The following FSTL5 variants were observed in gnomAD, a reference collection of about 807,000 sequenced individuals.
FSTL5 encodes the protein follistatin like 5.
In FSTL5, 62 loss-of-function variants were observed where a neutral mutation model predicts 89.1. The observed-to-expected ratio is 0.70, with a 90% confidence interval of 0.57 to 0.86. FSTL5 has a LOEUF of 0.86. Ranked by LOEUF, FSTL5 falls within the 40% of genes least tolerant of loss-of-function variation. The pLI, the probability that FSTL5 is intolerant of heterozygous loss-of-function variation, is 0.00. For missense variants in FSTL5, 1,057 were observed against 1,001.6 expected (o/e 1.06, Z -0.75); for synonymous variants, 383 against 346.2 (o/e 1.11, Z -1.18).
intron 3 of FSTL5, among the ~76,000 whole-genome samples, chr4:161,973,551 A>G (rs966085842): frequency 1.3e-5 from 2 of 152,228 alleles, no homozygotes; most frequent in Admixed American, 6.5e-5. Flanking sequence ...ATAATGCCAT[A>G]AGATTATAAG....
chr4:161,792,403 GC>G (rs1729508393), intron 4 of FSTL5, among the ~76,000 whole-genome samples: 1 of 152,136 alleles, frequency 6.6e-6, no homozygotes, highest in Non-Finnish European at 1.5e-5. Context: ...CAAAAGGCAG[GC>G]TTCTGGGTGG....
chr4:162,063,191 T>G (rs554435366), intron 2 of FSTL5, among the ~76,000 whole-genome samples: 1 of 151,982 alleles, frequency 6.6e-6, no homozygotes, highest in East Asian at 1.9e-4. Flanking sequence ...CTCATTTCAT[T>G]AGATTTTCCC....
At chr4:161,849,783 C>A (rs768877260) in intron 4 of FSTL5, among the ~76,000 whole-genome samples, 3 of 152,128 alleles carry the variant, frequency 2.0e-5, no homozygotes, top group Non-Finnish European at 2.9e-5. Context: ...TTTAGCGATA[C>A]TGTCAATCTA....
chr4:161,739,852 T>TAAA (rs34519918), intron 6 of FSTL5, among the ~76,000 whole-genome samples: 1 of 149,606 alleles, frequency 6.7e-6, no homozygotes, highest in Non-Finnish European at 1.5e-5. Context: ...TCCACAGAAG[T>TAAA]AAAAAAAAAA....
At chr4:162,158,684 T>G (rs551966702) in intron 1 of FSTL5, among the ~76,000 whole-genome samples, 1 of 152,170 alleles carries the variant, frequency 6.6e-6, no homozygotes, top group Admixed American at 6.6e-5. Context: ...ATTTCTGCTT[T>G]CTTATATTCA....
At chr4:162,093,643 T>A (rs1730638357) in intron 2 of FSTL5, among the ~76,000 whole-genome samples, 1 of 152,148 alleles carries the variant, frequency 6.6e-6, no homozygotes, top group Admixed American at 6.5e-5. Context: ...GTATTTTTTT[T>A]AAACAAAAGC....
chr4:162,137,724 A>G (rs1313032744), intron 1 of FSTL5, among the ~76,000 whole-genome samples: 2 of 152,216 alleles, frequency 1.3e-5, no homozygotes, highest in South Asian at 4.1e-4. Context: ...TATCCTGTCT[A>G]CCAACATGTT....
chr4:161,734,478 G>A (rs1175224844), intron 6 of FSTL5, among the ~76,000 whole-genome samples: 1 of 151,978 alleles, frequency 6.6e-6, no homozygotes. Flanking sequence ...TCTTATCTCT[G>A]GGCCTTAATT....
At chr4:161,769,250 T>C (rs1741125367) in intron 5 of FSTL5, among the ~76,000 whole-genome samples, 1 of 151,954 alleles carries the variant, frequency 6.6e-6, no homozygotes, top group South Asian at 2.1e-4. Context: ...TGCTGGATTT[T>C]ACTAAACATT....
chr4:161,692,197 T>C (rs1223333298), intron 6 of FSTL5, among the ~76,000 whole-genome samples: 1 of 152,118 alleles, frequency 6.6e-6, no homozygotes, highest in African/African-American at 2.4e-5. Context: ...CCATTGAGTA[T>C]GATGTTAACT....
chr4:161,848,267 A>G (rs1231071404), intron 4 of FSTL5, among the ~76,000 whole-genome samples: 1 of 152,074 alleles, frequency 6.6e-6, no homozygotes, highest in Non-Finnish European at 1.5e-5. Context: ...AGCTACAATG[A>G]AAGGATCATC....
intron 4 of FSTL5, among the ~76,000 whole-genome samples, chr4:161,847,075 A>G (rs952343949): frequency 6.6e-6 from 1 of 152,154 alleles, no homozygotes; most frequent in African/African-American, 2.4e-5. Flanking sequence ...ATAGTATTTA[A>G]AACTGAGAAA....
chr4:161,740,332 G>GTATC lies in FSTL5; in HGVS notation c.727+19075_727+19078dup, dbSNP rs139184864. On this transcript the variant is annotated intron_variant, in intron 6 of 15. Coordinates refer to ENST00000306100, the MANE Select transcript of FSTL5 (RefSeq NM_020116.5). ...ACCAGGCCCGGCCTGAAATAGTATA[G>GTATC]TATCGCTTTTAGTATTTGATTGACA... Among the ~76,000 whole-genome samples, 619 of 152,158 alleles carry GTATC rather than the reference G, an allele frequency of 4.1e-3. 5 individuals carry two copies. Among genetic ancestry groups the GTATC allele is most frequent in the East Asian group, 0.031 (160 of 5,156 alleles).
intron 3 of FSTL5, among the ~76,000 whole-genome samples, chr4:161,937,192 G>T (rs2110912278): frequency 6.6e-6 from 1 of 151,936 alleles, no homozygotes; most frequent in Non-Finnish European, 1.5e-5. Flanking sequence ...AGAGAAATGA[G>T]ATAATAGCCA....
At chr4:161,629,096 T>C (rs1560986433) in intron 7 of FSTL5, among the ~76,000 whole-genome samples, 1 of 152,148 alleles carries the variant, frequency 6.6e-6, no homozygotes, top group Non-Finnish European at 1.5e-5. Context: ...GTTTGCTTTG[T>C]CCCTGAAGAG....
At chr4:161,647,427 T>C (rs940719610) in intron 7 of FSTL5, among the ~76,000 whole-genome samples, 3 of 152,140 alleles carry the variant, frequency 2.0e-5, no homozygotes, top group African/African-American at 7.2e-5. Context: ...AATGAAATAC[T>C]TTAGTTTTGT....
At chr4:162,097,734 T>A (rs1215839635) in intron 2 of FSTL5, among the ~76,000 whole-genome samples, 1 of 151,766 alleles carries the variant, frequency 6.6e-6, no homozygotes, top group African/African-American at 2.4e-5. Context: ...AGTCACTAGT[T>A]AACAAGAAAA....
intron 6 of FSTL5, among the ~76,000 whole-genome samples, chr4:161,660,740 C>A (rs557612422): frequency 1.7e-4 from 26 of 152,188 alleles, no homozygotes; most frequent in Middle Eastern, 3.4e-3. Context: ...TCTTCTGTTC[C>A]TGCATTAATT....
rs115325999 is a variant in FSTL5 at position 161,418,493 on chromosome 4, C to T, written c.1842-32044G>A. ...ATTTTTGATCTGCAAATATTTATTT[C>T]TTGATTTAAACCACCACCATTACGA... On this transcript the variant is annotated intron_variant, in intron 15 of 15. Coordinates refer to ENST00000306100, the MANE Select transcript of FSTL5 (RefSeq NM_020116.5). Among the ~76,000 whole-genome samples, 963 of 152,222 alleles carry T rather than the reference C, an allele frequency of 6.3e-3. 12 individuals carry two copies. Among genetic ancestry groups the T allele is most frequent in the African/African-American group, 0.023 (936 of 41,538 alleles).
Sources: allele counts gnomAD v4.1 joint callset (sites outside exome capture counted in the v4.1 genomes callset), GRCh38; gene constraint gnomAD v4.1.1; transcripts MANE v1.5; gene names NCBI Gene and HGNC (gene_info 2026-07-23, HGNC 2026-07-21).